The following TSNARE1 variants were observed in gnomAD, a reference collection of about 807,000 sequenced individuals.
TSNARE1 encodes the protein t-SNARE domain-containing protein 1.
A neutral mutation model predicts 62.0 loss-of-function variants in TSNARE1; 49 were observed. That is an observed-to-expected ratio of 0.79 (90% confidence interval 0.63 to 1.00). The LOEUF is 1.00. TSNARE1 is among the 50% of genes least tolerant of loss of function. The probability of loss-of-function intolerance (pLI) is 0.00; values close to 1 mark genes in which losing one functional copy is unlikely to be tolerated. For synonymous variants in TSNARE1, 328 were observed against 294.4 expected, an observed-to-expected ratio of 1.11 and a Z score of -1.17; for missense variants, 755 against 700.1, an observed-to-expected ratio of 1.08 and a Z score of -0.88.
Position 142,399,368 on chromosome 8 carries a change from G to A in TSNARE1, c.-40+3736C>T, listed in dbSNP as rs555901002. 1.4e-4 allele frequency among the ~76,000 whole-genome samples: 21 copies of A among 152,328 alleles called. No individual in the cohort carries two copies. The East Asian group carries it at 3.3e-3, about 24-fold the overall frequency. The stretch of plus-strand genomic sequence containing the variant: ...CCCAGGCCCTGGGCCACAGCTGGAT[G>A]GACGTTCAGAGACGCACAGCTCCCC... On this transcript the variant is annotated intron_variant, in intron 1 of 13. Transcript: ENST00000524325.
intron 1 of TSNARE1, among the ~76,000 whole-genome samples, chr8:142,385,697 G>A (rs1444142006): frequency 6.6e-6 from 1 of 152,174 alleles, no homozygotes; most frequent in Non-Finnish European, 1.5e-5. Flanking sequence ...ACTGAGAAAG[G>A]TACTATTGTC....
At chr8:142,354,788 G>A (rs948123024) in intron 1 of TSNARE1, 25 bp from the exon 2 acceptor site, 8 of 1,321,978 alleles carry the variant, frequency 6.1e-6, no homozygotes, top group African/African-American at 4.4e-5. Context: ...AAAAGCAGGG[G>A]GAAGAGGGGG....
At chr8:142,313,711 G>A (rs1372722233) in intron 9 of TSNARE1, among the ~76,000 whole-genome samples, 1 of 152,206 alleles carries the variant, frequency 6.6e-6, no homozygotes, top group African/African-American at 2.4e-5. Flanking sequence ...GTTTATCTGT[G>A]TGTCTGCATG....
chr8:142,271,084 G>A (rs1200374073), intron 12 of TSNARE1: 1 of 985,972 alleles, frequency 1.0e-6, no homozygotes, highest in African/African-American at 1.7e-5. Flanking sequence ...CCCCCGACCA[G>A]CCCTATATCT....
At chr8:142,402,723 G>C (rs1181952909) in intron 1 of TSNARE1, 1 of 152,424 alleles carries the variant, frequency 6.6e-6, no homozygotes, top group Non-Finnish European at 1.5e-5. Context: ...TAGGCGCTGG[G>C]GCGCTCCCCG....
intron 9 of TSNARE1, among the ~76,000 whole-genome samples, chr8:142,313,265 T>C (rs1050765829): frequency 2.6e-5 from 4 of 152,168 alleles, no homozygotes; most frequent in Non-Finnish European, 5.9e-5. Context: ...TTTATCTGCA[T>C]TGGTCTGCAT....
At chr8:142,309,726 G>A (rs948230848) in intron 9 of TSNARE1, among the ~76,000 whole-genome samples, 4 of 152,040 alleles carry the variant, frequency 2.6e-5, no homozygotes, top group African/African-American at 4.8e-5. Context: ...TGGGAACCTC[G>A]TAAGAATCTG....
chr8:142,229,121 AAT>A, intron 13 of TSNARE1, among the ~76,000 whole-genome samples: 1 of 39,502 alleles, frequency 2.5e-5, no homozygotes, highest in Non-Finnish European at 4.1e-5. Context: ...TGGATGGATA[AAT>A]GGATGGTGGG....
At chr8:142,271,659 AC>A in intron 12 of TSNARE1, 1 of 1,396,694 alleles carries the variant, frequency 7.2e-7, no homozygotes, top group Non-Finnish European at 9.3e-7. Context: ...AGGGGCAGCC[AC>A]AAGCAGCTGG....
intron 10 of TSNARE1, among the ~76,000 whole-genome samples, chr8:142,295,285 C>A (rs535878030): frequency 6.6e-6 from 1 of 152,248 alleles, no homozygotes; most frequent in Non-Finnish European, 1.5e-5. Context: ...GACCCTGCAC[C>A]CTCCAGAGAC....
In TSNARE1 at chr8:142,330,105, G is replaced by A. The variant is rs559540394; in HGVS notation, c.893+796C>T. Among the ~76,000 whole-genome samples, 14 of 152,380 alleles carry A rather than the reference G, an allele frequency of 9.2e-5. No individual in the cohort carries two copies. In the South Asian group the frequency reaches 1.7e-3, roughly 18 times the overall value. Reference sequence around the variant, plus strand: ...CAACGTCCCAGTGCAGTGGCCTGGGGCTGGCTGGGGTCCTTGGAGCTGCGG... The same window carrying A: ...CAACGTCCCAGTGCAGTGGCCTGGGACTGGCTGGGGTCCTTGGAGCTGCGG... On this transcript the variant is annotated intron_variant, in intron 6 of 13. Coordinates refer to ENST00000524325, the MANE Select transcript of TSNARE1 (RefSeq NM_145003.5).
chr8:142,258,366 G>A (rs1287707267), intron 12 of TSNARE1, among the ~76,000 whole-genome samples: 1 of 152,090 alleles, frequency 6.6e-6, no homozygotes, highest in African/African-American at 2.4e-5. Flanking sequence ...GCACACCTAC[G>A]CTGTAGGTGG....
At chr8:142,243,895 T>C (rs1031960796) in intron 12 of TSNARE1, among the ~76,000 whole-genome samples, 6 of 152,178 alleles carry the variant, frequency 3.9e-5, no homozygotes, top group African/African-American at 7.2e-5. Context: ...TTTAAAAATA[T>C]ACAAAAAAGA....
chr8:142,275,657 C>T (rs567849911), intron 11 of TSNARE1: 112 of 985,350 alleles, frequency 1.1e-4, no homozygotes, highest in Non-Finnish European at 1.3e-4. Context: ...GCCTTCTTCC[C>T]GGAGGGAGGT....
At chr8:142,285,456 G>A (rs908191587) in intron 10 of TSNARE1, among the ~76,000 whole-genome samples, 3 of 149,476 alleles carry the variant, frequency 2.0e-5, no homozygotes, top group African/African-American at 7.4e-5. Flanking sequence ...GGGTGGGGTA[G>A]GTGGATGGAT....
At chr8:142,278,730 G>A (rs1820911681) in intron 11 of TSNARE1, 11 of 985,436 alleles carry the variant, frequency 1.1e-5, no homozygotes, top group Non-Finnish European at 1.3e-5. Context: ...GGGCCCGTGG[G>A]CTCGGAAGGG....
intron 4 of TSNARE1, among the ~76,000 whole-genome samples, chr8:142,339,829 G>A (rs1353070713): frequency 1.3e-5 from 2 of 152,230 alleles, no homozygotes; most frequent in Non-Finnish European, 2.9e-5. Context: ...GGAGAGCAGC[G>A]GCCCTGCCGT....
intron 13 of TSNARE1, among the ~76,000 whole-genome samples, chr8:142,222,883 TCCAC>T (rs1816473226): frequency 7.6e-6 from 1 of 132,382 alleles, no homozygotes; most frequent in African/African-American, 3.0e-5. Flanking sequence ...CACTTACTCA[TCCAC>T]TCACTCATTC....
At chr8:142,330,789 C>A (rs1042530242) in intron 6 of TSNARE1, 112 bp downstream of exon 6, 2 of 1,065,642 alleles carry the variant, frequency 1.9e-6, no homozygotes, top group East Asian at 2.4e-5. Context: ...GGCAGCTGTG[C>A]GCAAGCAGCT....
Sources: gnomAD v4.1 joint callset for allele counts (sites outside exome capture counted in the v4.1 genomes callset) on GRCh38, gnomAD v4.1.1 for gene constraint, MANE v1.5 for transcripts, NCBI Gene and HGNC (gene_info 2026-07-23, HGNC 2026-07-21) for gene names.